Variants in CEP70 observed in about 807,000 individuals in gnomAD.
CEP70 encodes centrosomal protein of 70 kDa.
CEP70 carries 70 observed loss-of-function variants against 90.9 expected under a neutral mutation model. The observed-to-expected ratio is 0.77, with a 90% confidence interval of 0.64 to 0.94. The LOEUF is 0.94. CEP70 is among the 40% of genes least tolerant of loss of function. The pLI is 0.00. For missense variants in CEP70, 648 were observed against 669.0 expected (o/e 0.97, Z 0.35); for synonymous variants, 220 against 228.3 (o/e 0.96, Z 0.33).
At chr3:138,508,844 C>T (rs1024325182) in intron 11 of CEP70, among the ~76,000 whole-genome samples, 37 of 152,038 alleles carry the variant, frequency 2.4e-4, no homozygotes, top group Admixed American at 1.1e-3. Context: ...CACCATTCTC[C>T]TGCCTCAGCC....
chr3:138,552,373 A>T (rs1015579495), intron 6 of CEP70, among the ~76,000 whole-genome samples: 1 of 152,174 alleles, frequency 6.6e-6, no homozygotes, highest in East Asian at 1.9e-4. Context: ...TAGAATATAC[A>T]TTCTATTCAT....
chr3:138,528,699 A>T (rs912706354), intron 10 of CEP70, among the ~76,000 whole-genome samples: 1 of 151,826 alleles, frequency 6.6e-6, no homozygotes, highest in African/African-American at 2.4e-5. Context: ...ACAAAAAATT[A>T]AAAAATTAGA....
At chr3:138,571,406 GA>G in intron 3 of CEP70, 50 bp from the exon 4 acceptor site, 1 of 1,205,664 alleles carries the variant, frequency 8.3e-7, no homozygotes, top group Non-Finnish European at 1.2e-6. Context: ...ATAAAGTGAA[GA>G]AATTCTCTCA....
chr3:138,533,139 G>C (rs2037966995), intron 7 of CEP70, among the ~76,000 whole-genome samples: 1 of 152,052 alleles, frequency 6.6e-6, no homozygotes, highest in Non-Finnish European at 1.5e-5. Context: ...AAATTAGCTG[G>C]GCGTCGTGGC....
At chr3:138,531,610 T>G (rs952107674) in intron 8 of CEP70, 1 of 152,066 alleles carries the variant, frequency 6.6e-6, no homozygotes, top group South Asian at 2.1e-4. Flanking sequence ...AGCTACTTGA[T>G]AAAATGCTGC....
chr3:138,577,632 A>T (rs1305809589), intron 2 of CEP70, among the ~76,000 whole-genome samples: 1 of 152,136 alleles, frequency 6.6e-6, no homozygotes, highest in East Asian at 1.9e-4. Context: ...TGGGTGACAG[A>T]GAGAGACTCT....
intron 7 of CEP70, among the ~76,000 whole-genome samples, chr3:138,533,541 T>C (rs893731821): frequency 2.0e-5 from 3 of 152,114 alleles, no homozygotes; most frequent in African/African-American, 7.2e-5. Context: ...TGTTGCCATA[T>C]TGACTAGTTG....
At chr3:138,498,405 T>A (rs2034147638) in intron 16 of CEP70, among the ~76,000 whole-genome samples, 1 of 151,006 alleles carries the variant, frequency 6.6e-6, no homozygotes, top group Middle Eastern at 3.4e-3. Context: ...TGGCGCTGTC[T>A]CGGCTCACTG....
At chr3:138,522,381 A>C (rs1369423309) in intron 11 of CEP70, among the ~76,000 whole-genome samples, 1 of 152,092 alleles carries the variant, frequency 6.6e-6, no homozygotes, top group Non-Finnish European at 1.5e-5. Flanking sequence ...TCAGAGCAGA[A>C]CTGAAGGAAA....
chr3:138,514,607 A>T (rs978749981), intron 11 of CEP70, among the ~76,000 whole-genome samples: 12 of 152,062 alleles, frequency 7.9e-5, no homozygotes, highest in African/African-American at 2.4e-4. Flanking sequence ...TGAAAAGTAA[A>T]TTTTTTTAAG....
chr3:138,533,198 T>C (rs902399064), intron 7 of CEP70, among the ~76,000 whole-genome samples: 2 of 151,820 alleles, frequency 1.3e-5, no homozygotes, highest in African/African-American at 4.8e-5. Context: ...GGAGAATCAC[T>C]TGAACCCGGG....
intron 8 of CEP70, among the ~76,000 whole-genome samples, chr3:138,530,076 CTG>C (rs1250170208): frequency 6.6e-6 from 1 of 152,166 alleles, no homozygotes; most frequent in Non-Finnish European, 1.5e-5. Context: ...CTGAAGGACT[CTG>C]TGAAATGCAA....
At chr3:138,592,937 T>C (rs1211145303) in intron 1 of CEP70, 3 of 152,202 alleles carry the variant, frequency 2.0e-5, no homozygotes, top group African/African-American at 4.8e-5. Context: ...TCTAAAAATA[T>C]TGCAACTTGC....
intron 11 of CEP70, among the ~76,000 whole-genome samples, chr3:138,522,601 C>T (rs1370720886): frequency 1.2e-4 from 18 of 152,238 alleles, no homozygotes; most frequent in Middle Eastern, 3.4e-3. Context: ...AACACCTCTA[C>T]GCAAATAAAC....
chr3:138,532,163 T>A (rs1488689792), intron 8 of CEP70, among the ~76,000 whole-genome samples: 1 of 152,204 alleles, frequency 6.6e-6, no homozygotes. Context: ...TACACTTTGA[T>A]AGGCAGCCAA....
intron 6 of CEP70, among the ~76,000 whole-genome samples, chr3:138,553,132 C>T (rs369277419): frequency 6.6e-6 from 1 of 151,794 alleles, no homozygotes; most frequent in African/African-American, 2.4e-5. Context: ...AGGAAGAATT[C>T]GAAACCCTAG....
At chr3:138,593,396 T>G (rs1326492171) in intron 1 of CEP70, among the ~76,000 whole-genome samples, 3 of 152,162 alleles carry the variant, frequency 2.0e-5, no homozygotes, top group Non-Finnish European at 4.4e-5. Flanking sequence ...CTAATTTTTG[T>G]ATTTTTAGTA....
chr3:138,507,840 T>C (rs1200601941), intron 12 of CEP70, among the ~76,000 whole-genome samples: 1 of 152,178 alleles, frequency 6.6e-6, no homozygotes, highest in African/African-American at 2.4e-5. Flanking sequence ...AAGTTAGAAA[T>C]AGCAGCCTAG....
chr3:138,499,218 G>T (rs764344680), intron 16 of CEP70, among the ~76,000 whole-genome samples: 1 of 152,022 alleles, frequency 6.6e-6, no homozygotes, highest in Non-Finnish European at 1.5e-5. Flanking sequence ...GGTATATATT[G>T]TGTGTTTCCC....
Sources: gnomAD v4.1 joint callset for allele counts (sites outside exome capture counted in the v4.1 genomes callset) on GRCh38, gnomAD v4.1.1 for gene constraint, MANE v1.5 for transcripts, NCBI Gene and HGNC (gene_info 2026-07-23, HGNC 2026-07-21) for gene names.